USP22: variants seen among roughly 807,000 people sequenced by gnomAD.
USP22 encodes the protein ubiquitin carboxyl-terminal hydrolase 22.
A neutral mutation model predicts 68.1 loss-of-function variants in USP22; 22 were observed. The observed-to-expected ratio is 0.32, with a 90% CI of 0.23 to 0.46. USP22 has a LOEUF of 0.46. Among genes scored for constraint, USP22 ranks in the 20% least tolerant of loss-of-function variants. USP22 has a pLI of 1.00. For synonymous variants in USP22, 279 were observed against 274.2 expected, an observed-to-expected ratio of 1.02 and a Z score of -0.17; for missense variants, 433 against 695.8, an observed-to-expected ratio of 0.62 and a Z score of 4.25.
chr17:21,023,691 C>T (rs1972186050), intron 2 of USP22, among the ~76,000 whole-genome samples: 1 of 151,334 alleles, frequency 6.6e-6, no homozygotes, highest in East Asian at 1.9e-4. Context: ...CTTAAATCCA[C>T]GTGATGTCAG....
At chr17:21,004,000 A>C (rs1325723085) in intron 12 of USP22, among the ~76,000 whole-genome samples, 1 of 152,090 alleles carries the variant, frequency 6.6e-6, no homozygotes. Context: ...GCCTCCAGAG[A>C]GGGCCTTTGC....
chr17:21,036,465 A>T (rs1377582128), intron 1 of USP22, among the ~76,000 whole-genome samples: 1 of 128,532 alleles, frequency 7.8e-6, no homozygotes, highest in Non-Finnish European at 1.6e-5. Context: ...TGTGGAAATG[A>T]GGAGGGAGTG....
At position 21,011,431 on chromosome 17, in the gene USP22, AG is replaced by A. The variant is rs1269492258; in HGVS notation, c.945-123del. ...TGTGCCCTTTGTCACAGTGACACTCAGGTGGGATGGGGCAGGAGCAAGAGCA... is the reference window on the plus strand; with the variant it reads ...TGTGCCCTTTGTCACAGTGACACTCAGTGGGATGGGGCAGGAGCAAGAGCA... On this transcript the variant is annotated intron_variant, in intron 7 of 12. Transcript: ENST00000261497. 123 of 1,293,170 alleles carry A rather than the reference AG, an allele frequency of 9.5e-5. 1 individual carries two copies. The highest frequency in any genetic ancestry group is 1.9e-4 in the Middle Eastern group (1 of 5,342). 80.1% of individuals were successfully genotyped at this position (1,293,170 alleles called of 1,614,324 possible).
intron 5 of USP22, among the ~76,000 whole-genome samples, chr17:21,016,904 G>A (rs1042839163): frequency 6.6e-6 from 1 of 152,282 alleles, no homozygotes; most frequent in African/African-American, 2.4e-5. Context: ...GGGTGTGACT[G>A]TAATTTACAC....
At chr17:21,006,717 A>G in intron 10 of USP22, 179 bp downstream of exon 10, 1 of 382,954 alleles carries the variant, frequency 2.6e-6, no homozygotes, top group Non-Finnish European at 4.9e-6. Context: ...GTTGGCCATG[A>G]TGGTCTCAAT....
chr17:21,008,642 G>C (rs1258216501), intron 8 of USP22, among the ~76,000 whole-genome samples: 1 of 152,176 alleles, frequency 6.6e-6, no homozygotes, highest in South Asian at 2.1e-4. Context: ...GAGATGCTGG[G>C]TACTTTCCGC....
In USP22 at chr17:21,002,935, CG is replaced by C; in HGVS notation, c.*95del. The C allele has an allele frequency of 7.3e-7, 1 of 1,373,496 alleles. No homozygotes were observed. Among genetic ancestry groups the C allele is most frequent in the South Asian group, 1.2e-5 (1 of 84,342 alleles). The allele number at this position is 1,373,496 out of a possible 1,614,324, so 85.1% of individuals were successfully genotyped here. On this transcript the variant is annotated 3_prime_UTR_variant, in exon 13 of 13. Coordinates refer to ENST00000261497, the MANE Select transcript of USP22 (RefSeq NM_015276.2). ...AGGTGGTGTCACCAGGCCGGGGAGG[CG>C]GCGGGAGACTTGGGGGAGGGGGGGG...
chr17:21,033,995 C>G (rs939414814), intron 1 of USP22, among the ~76,000 whole-genome samples: 17 of 151,948 alleles, frequency 1.1e-4, no homozygotes, highest in African/African-American at 3.6e-4. Context: ...GTGATCCACC[C>G]ACCTCAGCCT....
Position 21,001,627 on chromosome 17 carries a change from C to CGCTG in USP22, c.*1400_*1403dup, listed in dbSNP as rs973302889. The CGCTG allele has an allele frequency of 1.3e-5, 2 of 152,070 alleles. No individual in the cohort carries two copies. Among genetic ancestry groups the CGCTG allele is most frequent in the Non-Finnish European group, 2.9e-5 (2 of 68,044 alleles). The allele number at this position is 152,070 out of a possible 1,614,324, so 9.4% of individuals were successfully genotyped here. A position where few individuals can be genotyped will look rare whatever the true frequency, so the allele number is the denominator to read the frequency against. ...GCTGTCTATGAAAACATCTGCCCAC[C>CGCTG]GCTGAGACAGATGATCCTGTTCCTG... On this transcript the variant is annotated 3_prime_UTR_variant, in exon 13 of 13. Coordinates refer to ENST00000261497, the MANE Select transcript of USP22 (RefSeq NM_015276.2).
intron 1 of USP22, among the ~76,000 whole-genome samples, chr17:21,037,967 A>G (rs1972377903): frequency 6.6e-6 from 1 of 152,242 alleles, no homozygotes; most frequent in Non-Finnish European, 1.5e-5. Flanking sequence ...TGACCTCAAA[A>G]TTAAAACCTT....
At chr17:21,041,762 A>C (rs1408283719) in intron 1 of USP22, among the ~76,000 whole-genome samples, 1 of 152,266 alleles carries the variant, frequency 6.6e-6, no homozygotes, top group Non-Finnish European at 1.5e-5. Flanking sequence ...TGTAAAAATA[A>C]ACTTTATTCA....
At chr17:21,013,012 G>T in intron 6 of USP22, 77 bp from the exon 7 acceptor site, 1 of 1,435,904 alleles carries the variant, frequency 7.0e-7, no homozygotes, top group South Asian at 1.2e-5. Flanking sequence ...AGTTCACCCT[G>T]CAGAAGCCTG....
chr17:21,020,084 G>A (rs897167300), intron 3 of USP22, among the ~76,000 whole-genome samples: 1 of 152,094 alleles, frequency 6.6e-6, no homozygotes, highest in Non-Finnish European at 1.5e-5. Context: ...ATCAAGGCAA[G>A]AATGTAAAAC....
At chr17:21,023,707 C>T (rs1477804193) in intron 2 of USP22, among the ~76,000 whole-genome samples, 4 of 151,300 alleles carry the variant, frequency 2.6e-5, no homozygotes, top group Non-Finnish European at 5.9e-5. Context: ...GTCAGACACC[C>T]GGGAGGCAGC....
Position 21,028,524 on chromosome 17 carries a change from C to A in USP22, c.304+18G>T, listed in dbSNP as rs775251006. The A allele has an allele frequency of 1.2e-6, 2 of 1,612,886 alleles. No individual in the cohort carries two copies. The highest frequency in any genetic ancestry group is 1.7e-6 in the Non-Finnish European group (2 of 1,179,484). ...TTGGGGGCCACAACTATCCCCCCAT[C>A]CCAGAAGCTCGCCTCACCCAGGTTG... On this transcript the variant is annotated intron_variant, in intron 2 of 12. Coordinates refer to ENST00000261497, the MANE Select transcript of USP22 (RefSeq NM_015276.2).
At chr17:21,011,529 C>T (rs1459862672) in intron 7 of USP22, 4 of 533,942 alleles carry the variant, frequency 7.5e-6, no homozygotes, top group African/African-American at 3.9e-5. Context: ...ACTCGGAAGG[C>T]GAGGGGCGCT....
intron 3 of USP22, among the ~76,000 whole-genome samples, chr17:21,019,609 G>T (rs1162660977): frequency 1.3e-5 from 2 of 152,156 alleles, no homozygotes; most frequent in Non-Finnish European, 2.9e-5. Context: ...TAAACTCAGC[G>T]TCGAGTTACC....
Position 21,042,779 on chromosome 17 carries a change from C to A in USP22, c.57G>T (p.Ala19=). ...GEAMDAELAV[A]PPGCSHLGSF... is the part of the protein sequence containing the mutation. ...TGCCCAGGTGCGAGCAGCCCGGCGG[C>A]GCTACCGCCAGCTCGGCGTCCATGG... The change falls in exon 1 of 13, where the codon GCG becomes GCT. Residue 19 remains alanine, a synonymous_variant. Transcript: ENST00000261497. The A allele has an allele frequency of 6.7e-7, 1 of 1,489,690 alleles. No homozygotes were observed. 92.3% of individuals were successfully genotyped at this position (1,489,690 alleles called of 1,614,324 possible).
rs750970923 is a variant in USP22, at chr17:21,015,784, G to A, written c.806C>T (p.Ala269Val). ...EQQDAHEFLI[A>V]ALDVLHRHCK... ...GTGTCGGTGGAGCACGTCCAGGGCC[G>A]CGATGAGGAACTCGTGGGCGTCCTG... The change falls in exon 6 of 13, where the codon GCG (alanine) becomes GTG (valine). Residue 269 changes from alanine (A) to valine (V), a missense_variant. Transcript: ENST00000261497. 2 of 1,613,696 alleles carry A rather than the reference G, an allele frequency of 1.2e-6. No individual in the cohort carries two copies. Among genetic ancestry groups the A allele is most frequent in the South Asian group, 1.1e-5 (1 of 91,006 alleles).
Sources: gnomAD v4.1 joint callset for allele counts (sites outside exome capture counted in the v4.1 genomes callset) on GRCh38, gnomAD v4.1.1 for gene constraint, MANE v1.5 for transcripts, NCBI Gene and HGNC (gene_info 2026-07-23, HGNC 2026-07-21) for gene names.